The following LDB2 variants were observed in gnomAD, a reference collection of about 807,000 sequenced individuals.
LDB2 encodes LIM domain binding 2.
In LDB2, 12 loss-of-function variants were observed where a neutral mutation model predicts 44.3. That is an observed-to-expected ratio of 0.27 (90% CI 0.17 to 0.44). The LOEUF is 0.44. Among genes scored for constraint, LDB2 ranks in the 20% least tolerant of loss-of-function variants. The pLI is 1.00. For missense variants in LDB2, 344 were observed against 473.5 expected (o/e 0.73, Z 2.54); for synonymous variants, 164 against 174.8 (o/e 0.94, Z 0.49).
chr4:16,569,401 T>C (rs1189497115), intron 5 of LDB2, among the ~76,000 whole-genome samples: 1 of 152,148 alleles, frequency 6.6e-6, no homozygotes, highest in Non-Finnish European at 1.5e-5. Context: ...AGCTGCTTCT[T>C]GAGTAGACTT....
chr4:16,647,983 A>G (rs776583284), intron 2 of LDB2, among the ~76,000 whole-genome samples: 3 of 152,194 alleles, frequency 2.0e-5, no homozygotes, highest in Non-Finnish European at 4.4e-5. Flanking sequence ...TCTTTCCCAC[A>G]ATGCATCTCT....
intron 1 of LDB2, among the ~76,000 whole-genome samples, chr4:16,841,909 A>G (rs1351846607): frequency 1.3e-5 from 2 of 152,178 alleles, no homozygotes; most frequent in East Asian, 3.9e-4. Context: ...GATGCAACCT[A>G]ACACACCGTA....
At chr4:16,523,405 C>T (rs1002764371) in intron 5 of LDB2, among the ~76,000 whole-genome samples, 2 of 152,172 alleles carry the variant, frequency 1.3e-5, no homozygotes. Context: ...TTCATTAAGT[C>T]GAGAACTTTT....
chr4:16,600,167 C>T (rs576343608), intron 2 of LDB2, among the ~76,000 whole-genome samples: 7 of 152,314 alleles, frequency 4.6e-5, no homozygotes, highest in African/African-American at 1.2e-4. Context: ...GTTCAGCGGT[C>T]ACCTAACTCG....
At chr4:16,532,066 A>C (rs906478863) in intron 5 of LDB2, among the ~76,000 whole-genome samples, 1 of 141,374 alleles carries the variant, frequency 7.1e-6, no homozygotes, top group African/African-American at 2.6e-5. Flanking sequence ...GAGATTATGC[A>C]TAGCTAGGAT....
At chr4:16,693,590 C>T (rs996016206) in intron 2 of LDB2, among the ~76,000 whole-genome samples, 3 of 152,202 alleles carry the variant, frequency 2.0e-5, no homozygotes, top group South Asian at 2.1e-4. Flanking sequence ...CTCCTGACCT[C>T]GTGATCCCGG....
intron 1 of LDB2, 107 bp downstream of exon 1, chr4:16,898,247 G>T: frequency 5.5e-6 from 6 of 1,097,830 alleles, no homozygotes; most frequent in Non-Finnish European, 7.9e-6. Context: ...GTACGTGGTA[G>T]TATCAAGTGG....
chr4:16,588,853 A>G, intron 3 of LDB2, 21 bp from the exon 4 acceptor site: 1 of 1,612,002 alleles, frequency 6.2e-7, no homozygotes, highest in Non-Finnish European at 8.5e-7. Flanking sequence ...CAAACCACAC[A>G]GTCATTCATT....
intron 1 of LDB2, among the ~76,000 whole-genome samples, chr4:16,850,645 T>C (rs1441877805): frequency 6.6e-6 from 1 of 152,160 alleles, no homozygotes; most frequent in Non-Finnish European, 1.5e-5. Flanking sequence ...AACTAACCCC[T>C]AGAATGATAA....
intron 2 of LDB2, among the ~76,000 whole-genome samples, chr4:16,709,789 A>C (rs1755462086): frequency 6.6e-6 from 1 of 152,196 alleles, no homozygotes; most frequent in Non-Finnish European, 1.5e-5. Context: ...AAATACTATA[A>C]GTGAGAATAA....
chr4:16,702,500 G>A (rs1487300348), intron 2 of LDB2, among the ~76,000 whole-genome samples: 1 of 152,138 alleles, frequency 6.6e-6, no homozygotes, highest in Non-Finnish European at 1.5e-5. Context: ...CTCCTCCAAG[G>A]CCAGTTTCAA....
At position 16,739,624 on chromosome 4, in the gene LDB2, G is replaced by A. The variant is rs1290263981; in HGVS notation, c.235+19534C>T. Among the ~76,000 whole-genome samples the A allele has an allele frequency of 8.8e-4, 45 of 50,948 alleles. 2 individuals are homozygous for A. Among genetic ancestry groups the A allele is most frequent in the East Asian group, 2.9e-3 (2 of 692 alleles). 33.4% of individuals were successfully genotyped at this position (50,948 alleles called of 152,430 possible). A position where few individuals can be genotyped will look rare whatever the true frequency, so the allele number is the denominator to read the frequency against. On this transcript the variant is annotated intron_variant, in intron 2 of 7. Coordinates refer to ENST00000304523, the MANE Select transcript of LDB2 (RefSeq NM_001290.5). ...TATATATATATGTATATATACATGT[G>A]TGTGTATATATGTATATATACATAT...
chr4:16,509,494 A>T (rs1720869751), intron 6 of LDB2, among the ~76,000 whole-genome samples: 1 of 152,248 alleles, frequency 6.6e-6, no homozygotes, highest in Non-Finnish European at 1.5e-5. Context: ...GACCCAAGGT[A>T]AAGTGTGATA....
chr4:16,615,069 CAAAAAAAA>C (rs71649971), intron 2 of LDB2, among the ~76,000 whole-genome samples: 1 of 47,352 alleles, frequency 2.1e-5, no homozygotes, highest in Non-Finnish European at 3.7e-5. Context: ...GACTCCGTCT[CAAAAAAAA>C]AAAAAAAAAA....
At chr4:16,623,642 A>G (rs985846270) in intron 2 of LDB2, among the ~76,000 whole-genome samples, 1 of 151,740 alleles carries the variant, frequency 6.6e-6, no homozygotes, top group Admixed American at 6.6e-5. Flanking sequence ...ATGACTATCA[A>G]TGTGCTGTCA....
At chr4:16,846,342 A>G (rs1787003848) in intron 1 of LDB2, among the ~76,000 whole-genome samples, 1 of 152,194 alleles carries the variant, frequency 6.6e-6, no homozygotes, top group Non-Finnish European at 1.5e-5. Flanking sequence ...TCAAATACCA[A>G]ATAGCCCAGT....
intron 2 of LDB2, among the ~76,000 whole-genome samples, chr4:16,720,614 A>G (rs1460546232): frequency 2.0e-5 from 3 of 152,154 alleles, no homozygotes; most frequent in Non-Finnish European, 2.9e-5. Context: ...TGTTCAACTC[A>G]TCAAGGTCAA....
intron 2 of LDB2, among the ~76,000 whole-genome samples, chr4:16,626,516 C>T (rs1349925968): frequency 2.0e-5 from 3 of 152,196 alleles, no homozygotes; most frequent in African/African-American, 7.2e-5. Flanking sequence ...ACTAGCTAGA[C>T]ACTTCACTTC....
chr4:16,726,759 T>C (rs1309007825), intron 2 of LDB2, among the ~76,000 whole-genome samples: 2 of 152,114 alleles, frequency 1.3e-5, no homozygotes. Context: ...AATGGCTGCA[T>C]AGGGGGTTTT....
Sources: gnomAD v4.1 joint callset for allele counts (sites outside exome capture counted in the v4.1 genomes callset) on GRCh38, gnomAD v4.1.1 for gene constraint, MANE v1.5 for transcripts, NCBI Gene and HGNC (gene_info 2026-07-23, HGNC 2026-07-21) for gene names.